Variants in BPTF observed in about 807,000 individuals in gnomAD.
BPTF encodes the protein nucleosome-remodeling factor subunit BPTF.
BPTF carries 18 observed loss-of-function variants against 292.5 expected under a neutral mutation model. The ratio of observed to expected loss-of-function variants is 0.06; its 90% CI spans 0.04 to 0.09. The LOEUF is 0.09. BPTF is among the 10% of genes least tolerant of loss of function. The pLI is 1.00. For synonymous variants in BPTF, 1,225 were observed against 1,251.9 expected (o/e 0.98, Z 0.45); for missense variants, 2,726 against 3,498.7 (o/e 0.78, Z 5.57).
intron 4 of BPTF, among the ~76,000 whole-genome samples, chr17:67,881,109 T>A (rs2060374218): frequency 6.6e-6 from 1 of 152,008 alleles, no homozygotes; most frequent in Non-Finnish European, 1.5e-5. Flanking sequence ...GTATAAAAAA[T>A]GATAGGAGTG....
At chr17:67,869,283 GAAA>G (rs923477944) in intron 3 of BPTF, among the ~76,000 whole-genome samples, 1 of 151,682 alleles carries the variant, frequency 6.6e-6, no homozygotes, top group Non-Finnish European at 1.5e-5. Flanking sequence ...ATAAAAAATA[GAAA>G]AAACAAAAAA....
intron 18 of BPTF, among the ~76,000 whole-genome samples, chr17:67,938,888 TGAA>T (rs1364098270): frequency 6.6e-6 from 1 of 152,184 alleles, no homozygotes; most frequent in Admixed American, 6.5e-5. Flanking sequence ...AATTCACAAA[TGAA>T]GAACAATGAC....
At chr17:67,835,345 T>C (rs1386004961) in intron 1 of BPTF, among the ~76,000 whole-genome samples, 1 of 152,250 alleles carries the variant, frequency 6.6e-6, no homozygotes, top group Non-Finnish European at 1.5e-5. Context: ...TTTCATATCA[T>C]TGCAGAAAGT....
At chr17:67,868,796 A>C (rs377180088) in intron 3 of BPTF, among the ~76,000 whole-genome samples, 1 of 152,188 alleles carries the variant, frequency 6.6e-6, no homozygotes, top group African/African-American at 2.4e-5. Flanking sequence ...CATATTCTAC[A>C]TCAATATTCC....
chr17:67,855,787 A>C (rs1019309570), intron 2 of BPTF, among the ~76,000 whole-genome samples: 1 of 152,220 alleles, frequency 6.6e-6, no homozygotes, highest in Admixed American at 6.5e-5. Context: ...AATTAGGTCA[A>C]ATGAAAAAAT....
chr17:67,889,845 A>G (rs2060995267), intron 4 of BPTF, among the ~76,000 whole-genome samples: 1 of 151,948 alleles, frequency 6.6e-6, no homozygotes, highest in Non-Finnish European at 1.5e-5. Context: ...TCTGAGACCC[A>G]AGAGAAAATT....
intron 12 of BPTF, 131 bp downstream of exon 12, chr17:67,918,969 C>T: frequency 1.2e-6 from 1 of 869,342 alleles, no homozygotes; most frequent in South Asian, 1.8e-5. Context: ...TCAGGAGATC[C>T]TGACCATCCT....
At position 67,964,398 on chromosome 17, in the gene BPTF, C is replaced by G. The variant is rs782614278; in HGVS notation, c.8448C>G (p.Ser2816=). ...DYEGLKRVLR[S]LQAHKMAWPF... ...AGGGGTTGAAGAGGGTGCTCCGTTC[C>G]TTACAGGTGAGACCCCTCTGTGTGC... Residue 2816 remains serine (S), a synonymous_variant, in exon 25 of 28, where the codon TCC becomes TCG. Coordinates refer to ENST00000306378, the MANE Select transcript of BPTF (RefSeq NM_182641.4). 29 of 1,611,148 alleles carry G rather than the reference C, an allele frequency of 1.8e-5. No homozygotes were observed. The highest frequency in any genetic ancestry group is 2.0e-5 in the Non-Finnish European group (24 of 1,177,650).
chr17:67,909,792 G>A (rs368085942), intron 10 of BPTF, 31 bp downstream of exon 10: 11 of 1,478,190 alleles, frequency 7.4e-6, no homozygotes, highest in Non-Finnish European at 9.9e-6. Context: ...AGGGCAGCCT[G>A]GGGGTGATAA....
rs149169035 is a variant in BPTF, at chr17:67,911,769, C to T, written c.3885C>T (p.Thr1295=). ...SNSTLENSSD[T]VSIQDSSEED... is the part of the protein sequence containing the mutation. ...GCACTTTGGAAAATAGTTCTGATAC[C>T]GTGTCTATTCAGGATAGCAGTGAAG... The change falls in exon 11 of 28, where the codon ACC becomes ACT. Residue 1295 remains threonine (T), a synonymous_variant. Transcript: ENST00000306378. 30 of 1,613,970 alleles carry T rather than the reference C, an allele frequency of 1.9e-5. 1 individual carries two copies. Among genetic ancestry groups the T allele is most frequent in the East Asian group, 8.9e-5 (4 of 44,896 alleles).
chr17:67,966,275 A>G (rs1555687294), intron 25 of BPTF: 1 of 278,430 alleles, frequency 3.6e-6, no homozygotes, highest in East Asian at 8.8e-5. Flanking sequence ...AGCGATTGCA[A>G]TGCCAGCATC....
At chr17:67,881,755 C>A (rs2060421809) in intron 4 of BPTF, among the ~76,000 whole-genome samples, 1 of 151,434 alleles carries the variant, frequency 6.6e-6, no homozygotes, top group South Asian at 2.1e-4. Flanking sequence ...CCCACCTCGG[C>A]CTCCCAAAGT....
In BPTF at chr17:67,928,432, C is replaced by G; in HGVS notation, c.5829C>G (p.Ile1943Met). The G allele has an allele frequency of 1.2e-6, 2 of 1,614,174 alleles. No homozygotes were observed. Among genetic ancestry groups the G allele is most frequent in the Non-Finnish European group, 1.7e-6 (2 of 1,180,010 alleles). The change falls in exon 16 of 28, where the codon ATC becomes ATG. Residue 1943 changes from isoleucine to methionine, a missense_variant. Physicochemically the swap from Ile to Met is conservative, Grantham distance 10. Transcript: ENST00000306378. ...CAACAAGCAGTACAACCAGCACCAT[C>G]TCTCCAGCACAGAAGGTTATGGTGG... ...TSPTSSTTSTISPAQKVMVAP... is the reference protein window; with the variant it reads ...TSPTSSTTSTMSPAQKVMVAP...
At chr17:67,920,939 G>C (rs1323722144) in intron 13 of BPTF, among the ~76,000 whole-genome samples, 3 of 151,916 alleles carry the variant, frequency 2.0e-5, no homozygotes, top group African/African-American at 2.4e-5. Context: ...AGGTACAGTG[G>C]CTCACACCTG....
rs753711346 is a variant in BPTF at position 67,854,325 on chromosome 17, C to T, written c.999C>T (p.Tyr333=). ...GMTWPEVLRV[Y]CESDKEYHHV... is the part of the protein sequence containing the mutation. The stretch of plus-strand genomic sequence containing the variant: ...CGTGGCCAGAGGTGCTGCGGGTGTA[C>T]TGTGAGAGTGATAAGGAGTACCATC... Residue 333 remains tyrosine (Y), a synonymous_variant, in exon 2 of 28, where the codon TAC becomes TAT. Coordinates refer to ENST00000306378, the MANE Select transcript of BPTF (RefSeq NM_182641.4). The surrounding 1 kb of genome is among the most constrained non-coding windows in gnomAD (Gnocchi z 5.6). 1 of 1,614,050 alleles carries T rather than the reference C, an allele frequency of 6.2e-7. No individual in the cohort carries two copies. The highest frequency in any genetic ancestry group is 1.3e-5 in the African/African-American group (1 of 74,908).
intron 15 of BPTF, among the ~76,000 whole-genome samples, chr17:67,926,316 C>CTTT (rs869295387): frequency 1.2e-4 from 10 of 83,854 alleles, no homozygotes; most frequent in Non-Finnish European, 1.8e-4. Flanking sequence ...TAATATACTA[C>CTTT]TTTTTTTTTT....
At chr17:67,946,628 A>G (rs2065832441) in intron 21 of BPTF, among the ~76,000 whole-genome samples, 1 of 152,226 alleles carries the variant, frequency 6.6e-6, no homozygotes, top group African/African-American at 2.4e-5. Context: ...GGGTTTAACT[A>G]AGTTTTAAAG....
In BPTF at chr17:67,948,248, G is replaced by A. The variant is rs782326054; in HGVS notation, c.7868G>A (p.Arg2623Lys). Residue 2623 changes from arginine to lysine, a missense_variant, in exon 23 of 28, where the codon AGA (arginine) becomes AAA (lysine). Physicochemically the swap from Arg to Lys is conservative, Grantham distance 26. Transcript: ENST00000306378. Reference sequence around the variant, plus strand: ...CTCTTCAAGCACAAAGAGCAGCTCAGAGCCGAGATCCTGAAGAAGAGAGCA... The same window carrying A: ...CTCTTCAAGCACAAAGAGCAGCTCAAAGCCGAGATCCTGAAGAAGAGAGCA... Reference protein sequence around the residue: ...ALLFKHKEQLRAEILKKRALL... With the variant: ...ALLFKHKEQLKAEILKKRALL... 1 of 1,614,076 alleles carries A rather than the reference G, an allele frequency of 6.2e-7. No homozygotes were observed. Among genetic ancestry groups the A allele is most frequent in the Admixed American group, 1.7e-5 (1 of 60,014 alleles).
intron 19 of BPTF, among the ~76,000 whole-genome samples, chr17:67,942,085 C>A (rs1555672186): frequency 6.6e-6 from 1 of 152,058 alleles, no homozygotes; most frequent in Admixed American, 6.6e-5. Flanking sequence ...GGAGGCCAAG[C>A]CAGGTGGATC....
Sources: gnomAD v4.1 joint callset for allele counts (sites outside exome capture counted in the v4.1 genomes callset) on GRCh38, gnomAD v4.1.1 for gene constraint, Gnocchi (gnomAD v3.1) non-coding constraint, MANE v1.5 for transcripts, NCBI Gene and HGNC (gene_info 2026-07-23, HGNC 2026-07-21) for gene names.